MGRN1: variants seen among roughly 807,000 people sequenced by gnomAD.
MGRN1 encodes the protein mahogunin ring finger 1.
In MGRN1, 29 loss-of-function variants were observed where a neutral mutation model predicts 69.2. The observed-to-expected ratio is 0.42, with a 90% CI of 0.31 to 0.57. MGRN1 has a LOEUF of 0.57. MGRN1 is among the 20% of genes least tolerant of loss of function. The pLI is 0.15. For synonymous variants in MGRN1, 470 were observed against 344.2 expected, an observed-to-expected ratio of 1.37 and a Z score of -4.04; for missense variants, 998 against 796.2, an observed-to-expected ratio of 1.25 and a Z score of -3.05.
At chr16:4,687,155 C>T (rs1045517) in intron 16 of MGRN1, 4 of 985,306 alleles carry the variant, frequency 4.1e-6, no homozygotes, top group African/African-American at 1.7e-5. Context: ...CTGGAACCTT[C>T]TGGAACACCA....
rs11539929 is a variant in MGRN1 at position 4,688,984 on chromosome 16, G to C, written c.*76G>C. 2.7e-6 allele frequency: 4 copies of C among 1,459,710 alleles called. No individual in the cohort carries two copies. Among genetic ancestry groups the C allele is most frequent in the South Asian group, 1.3e-5 (1 of 74,752 alleles). The allele number at this position is 1,459,710 out of a possible 1,614,324, so 90.4% of individuals were successfully genotyped here. On this transcript the variant is annotated 3_prime_UTR_variant, in exon 17 of 17. Transcript: ENST00000262370. ...GAGGGGCTGCTCCGGACCCCGTTGT[G>C]AGCCGGCCTCCTGTCTGCATGCCCC...
At chr16:4,650,317 C>CA (rs373572089) in intron 1 of MGRN1, 48 bp from the exon 2 acceptor site, 83,849 of 1,212,532 alleles carry the variant, frequency 0.069, 13 homozygotes, top group Non-Finnish European at 0.075. Flanking sequence ...GACTCTGTCT[C>CA]AAAAAAAAAA....
At chr16:4,656,036 C>T (rs903990854) in intron 4 of MGRN1, among the ~76,000 whole-genome samples, 21 of 152,222 alleles carry the variant, frequency 1.4e-4, no homozygotes, top group Non-Finnish European at 1.0e-4. Context: ...GGCCCCCCCA[C>T]GCCCCATCCC....
In MGRN1 at chr16:4,665,372, T is replaced by A. The variant is rs545495691; in HGVS notation, c.678+221T>A. Among the ~76,000 whole-genome samples the A allele has an allele frequency of 3.3e-5, 5 of 151,496 alleles. No individual in the cohort carries two copies. In the East Asian group the frequency reaches 9.7e-4, roughly 29 times the overall value. On this transcript the variant is annotated intron_variant, in intron 7 of 16. Transcript: ENST00000262370. ...GAGGCTTAGCATTTCCTTTTTTTTT[T>A]TTTTTCTTTCCTGAGCCGGGCTCAC...
chr16:4,663,391 T>TTTTAAA (rs150893432), intron 5 of MGRN1, among the ~76,000 whole-genome samples: 4 of 123,230 alleles, frequency 3.2e-5, no homozygotes, highest in Non-Finnish European at 5.3e-5. Context: ...TTTTTTTTTT[T>TTTTAAA]ACACCTTTAT....
chr16:4,652,550 A>T (rs1004758882), intron 3 of MGRN1, 128 bp from the exon 4 acceptor site: 3 of 1,214,538 alleles, frequency 2.5e-6, no homozygotes, highest in South Asian at 1.6e-5. Flanking sequence ...AACAGCCCCT[A>T]TGTCTACTGG....
At chr16:4,635,807 T>C (rs1898258258) in intron 1 of MGRN1, among the ~76,000 whole-genome samples, 1 of 149,844 alleles carries the variant, frequency 6.7e-6, no homozygotes, top group Admixed American at 6.6e-5. Context: ...GCTAATTTTT[T>C]TTTTTTTTTT....
rs1283916678 is a variant in MGRN1 at position 4,624,994 on chromosome 16, G to C, written c.34G>C (p.Val12Leu). 2.6e-6 allele frequency: 4 copies of C among 1,559,454 alleles called. No homozygotes were observed. Among genetic ancestry groups the C allele is most frequent in the East Asian group, 2.6e-5 (1 of 37,848 alleles). Residue 12 changes from valine to leucine, a missense_variant, in exon 1 of 17, where the codon GTG (valine) becomes CTG (leucine). By Grantham distance (32) the Val-to-Leu change is conservative. Coordinates refer to ENST00000262370, the MANE Select transcript of MGRN1 (RefSeq NM_015246.4). ...CATTCTCAGCCGCCGCATCGCGGGGGTGGAGGACATCGACATCCAGGCGAA... is the reference window on the plus strand; with the variant it reads ...CATTCTCAGCCGCCGCATCGCGGGGCTGGAGGACATCGACATCCAGGCGAA... ...GSILSRRIAG[V>L]EDIDIQANSA... is the part of the protein sequence containing the mutation.
At position 4,652,069 on chromosome 16, in the gene MGRN1, C is replaced by T. The variant is rs752855654; in HGVS notation, c.296+18C>T. 8 of 1,611,780 alleles carry T rather than the reference C, an allele frequency of 5.0e-6. No homozygotes were observed. In the South Asian group the frequency reaches 7.7e-5, roughly 15 times the overall value. On this transcript the variant is annotated intron_variant, in intron 3 of 16. Coordinates refer to ENST00000262370, the MANE Select transcript of MGRN1 (RefSeq NM_015246.4). ...CTGGTGAGGTAACTTCACCCTGCCC[C>T]TGGGGACCCTGTGGCTCTGTGGGGC...
At chr16:4,665,254 G>A (rs904458904) in intron 7 of MGRN1, 103 bp downstream of exon 7, 1 of 1,305,190 alleles carries the variant, frequency 7.7e-7, no homozygotes, top group African/African-American at 1.4e-5. Flanking sequence ...TTGGTGGGGT[G>A]GCTGAGTGTC....
chr16:4,686,532 C>A (rs1009977922), intron 16 of MGRN1: 38 of 1,375,206 alleles, frequency 2.8e-5, no homozygotes, highest in Non-Finnish European at 3.6e-5. Flanking sequence ...GAGGTCTCTC[C>A]ATCTGGACTA....
rs374631080 is a variant in MGRN1, at chr16:4,673,503, G to A, written c.801G>A (p.Ser267=). 20 of 1,612,252 alleles carry A rather than the reference G, an allele frequency of 1.2e-5. No individual in the cohort carries two copies. The highest frequency in any genetic ancestry group is 1.6e-4 in the Middle Eastern group (1 of 6,082). The change falls in exon 10 of 17, where the codon TCG becomes TCA. Residue 267 remains serine, a synonymous_variant. Coordinates refer to ENST00000262370, the MANE Select transcript of MGRN1 (RefSeq NM_015246.4). ...ENKNNQETKP[S]DDENSDNSNE... ...ACAAGCCCTTGTCCCGGCAGCCCTC[G>A]GACGACGAGAACAGCGACAACAGCA...
intron 5 of MGRN1, among the ~76,000 whole-genome samples, chr16:4,662,697 C>G (rs1443411397): frequency 2.0e-5 from 3 of 152,172 alleles, no homozygotes; most frequent in Non-Finnish European, 2.9e-5. Context: ...GGGAGGAGGG[C>G]CTGAGATGAA....
chr16:4,682,946 G>T lies in MGRN1; in HGVS notation c.1482G>T (p.Glu494Asp). The T allele has an allele frequency of 6.4e-7, 1 of 1,566,028 alleles. No individual in the cohort carries two copies. Among genetic ancestry groups the T allele is most frequent in the Non-Finnish European group, 8.7e-7 (1 of 1,154,210 alleles). ...CCCTGCGGGAAAGCAGCTCCCCTGA[G>T]GTGAGGCCCCCCCGGGGAAGCTTTG... ...ELALRESSSP[E>D]SFITEEVDES... Residue 494 changes from glutamate to aspartate, a missense_variant and splice_region_variant, in exon 14 of 17, where the codon GAG (glutamate) becomes GAT (aspartate). Coordinates refer to ENST00000262370, the MANE Select transcript of MGRN1 (RefSeq NM_015246.4).
At position 4,628,084 on chromosome 16, in the gene MGRN1, A is replaced by G. The variant is rs562270003; in HGVS notation, c.88+3036A>G. Among the ~76,000 whole-genome samples, 90 of 147,510 alleles carry G rather than the reference A, an allele frequency of 6.1e-4. 1 individual carries two copies. The highest frequency in any genetic ancestry group is 2.2e-3 in the Admixed American group (32 of 14,844). ...GTCAGAGTGAGACTCCGTCTCAAAA[A>G]AAAAAAAAAAAAAGAATTGTGGGTG... On this transcript the variant is annotated intron_variant, in intron 1 of 16. Coordinates refer to ENST00000262370, the MANE Select transcript of MGRN1 (RefSeq NM_015246.4).
intron 1 of MGRN1, among the ~76,000 whole-genome samples, chr16:4,638,472 A>AAT (rs797017507): frequency 7.2e-5 from 11 of 151,770 alleles, no homozygotes; most frequent in African/African-American, 2.4e-4. Context: ...CTCAAAAAAA[A>AAT]AAATAAATAA....
chr16:4,630,975 T>C (rs923058333), intron 1 of MGRN1, among the ~76,000 whole-genome samples: 1 of 152,074 alleles, frequency 6.6e-6, no homozygotes, highest in Non-Finnish European at 1.5e-5. Context: ...TGTACCACTA[T>C]GCCCAGCAAA....
intron 1 of MGRN1, among the ~76,000 whole-genome samples, chr16:4,639,254 A>G (rs567812894): frequency 2.0e-5 from 3 of 152,296 alleles, no homozygotes; most frequent in Non-Finnish European, 4.4e-5. Context: ...GAGATAAAGC[A>G]GCAGTGACAC....
At chr16:4,648,045 C>G (rs191828224) in intron 1 of MGRN1, among the ~76,000 whole-genome samples, 1 of 152,146 alleles carries the variant, frequency 6.6e-6, no homozygotes. Context: ...TCAGAATTCC[C>G]GCTGAAGGCC....
Sources: gnomAD v4.1 joint callset for allele counts (sites outside exome capture counted in the v4.1 genomes callset) on GRCh38, gnomAD v4.1.1 for gene constraint, MANE v1.5 for transcripts, NCBI Gene and HGNC (gene_info 2026-07-23, HGNC 2026-07-21) for gene names.